CD36: variants seen among roughly 807,000 people sequenced by gnomAD.
The protein encoded by CD36 is CD36 molecule (CD36 blood group).
A neutral mutation model predicts 55.2 loss-of-function variants in CD36; 119 were observed. The observed-to-expected ratio is 2.15, with a 90% CI of 1.86 to 2.51. CD36 has a LOEUF of 2.51. CD36 is among the 30% of genes most tolerant of loss of function. The probability of loss-of-function intolerance (pLI) is 0.00; values close to 1 mark genes in which losing one functional copy is unlikely to be tolerated. For missense variants in CD36, 819 were observed against 555.5 expected (o/e 1.47, Z -4.77); for synonymous variants, 186 against 193.6 (o/e 0.96, Z 0.33).
At position 80,678,972 on chromosome 7, in the gene CD36, G is replaced by A. The variant is rs1371088856; in HGVS notation, c.*2589G>A. 6.6e-6 allele frequency: 1 copy of A among 152,166 alleles called. No homozygotes were observed. Among genetic ancestry groups the A allele is most frequent in the African/African-American group, 2.4e-5 (1 of 41,438 alleles). 9.4% of individuals were successfully genotyped at this position (152,166 alleles called of 1,614,324 possible). ...TGACATTTCAGTTTTTCTGTTTGAA[G>A]TCCAATGTATTAGTGACTCTGTGGC... is the stretch of plus-strand genomic sequence containing the variant. On this transcript the variant is annotated 3_prime_UTR_variant, in exon 15 of 15. Transcript: ENST00000447544.
At chr7:80,614,570 A>G (rs939896774) in intron 1 of CD36, among the ~76,000 whole-genome samples, 2 of 152,076 alleles carry the variant, frequency 1.3e-5, no homozygotes. Context: ...ATTTTTTTGC[A>G]GGGGTGCCCT....
intron 13 of CD36, 29 bp from the exon 14 acceptor site, chr7:80,673,954 A>G: frequency 6.3e-7 from 1 of 1,590,490 alleles, no homozygotes; most frequent in Non-Finnish European, 8.6e-7. Flanking sequence ...AACGTACCCA[A>G]ATAATGTTGA....
chr7:80,651,032 G>C (rs3211836), intron 3 of CD36, among the ~76,000 whole-genome samples: 1,767 of 151,854 alleles, frequency 0.012, 42 homozygotes, highest in African/African-American at 0.04. Context: ...ATTTACAAAA[G>C]ATAATTTATC....
chr7:80,621,242 T>C (rs989885062), intron 1 of CD36, among the ~76,000 whole-genome samples: 1 of 152,236 alleles, frequency 6.6e-6, no homozygotes, highest in Non-Finnish European at 1.5e-5. Context: ...AACATACTTT[T>C]CTATGCAGTG....
Position 80,677,830 on chromosome 7 carries a change from G to T in CD36, c.*1447G>T, listed in dbSNP as rs1021837236. The T allele has an allele frequency of 6.6e-6, 1 of 152,096 alleles. No individual in the cohort carries two copies. The highest frequency in any genetic ancestry group is 1.5e-5 in the Non-Finnish European group (1 of 68,022). 9.4% of individuals were successfully genotyped at this position (152,096 alleles called of 1,614,324 possible). On this transcript the variant is annotated 3_prime_UTR_variant, in exon 15 of 15. Coordinates refer to ENST00000447544, the MANE Select transcript of CD36 (RefSeq NM_001001548.3). ...TGACCTGTATATTATGACTAATCAT[G>T]ACTCAGATCTTAATACAGGGATGAT... is the stretch of plus-strand genomic sequence containing the variant.
intron 1 of CD36, among the ~76,000 whole-genome samples, chr7:80,641,741 C>A (rs1297882119): frequency 6.6e-6 from 1 of 151,982 alleles, no homozygotes; most frequent in Non-Finnish European, 1.5e-5. Context: ...GGGAACACAG[C>A]TTTATAAACA....
At chr7:80,662,756 A>C (rs1796653829) in intron 5 of CD36, among the ~76,000 whole-genome samples, 1 of 152,136 alleles carries the variant, frequency 6.6e-6, no homozygotes, top group African/African-American at 2.4e-5. Context: ...TGTATCGTTA[A>C]ATAAATAGAG....
At chr7:80,663,279 G>A (rs2116700085) in intron 6 of CD36, 110 bp downstream of exon 6, 1 of 918,360 alleles carries the variant, frequency 1.1e-6, no homozygotes, top group Non-Finnish European at 1.8e-6. Context: ...TTGCTGATCT[G>A]GAGACATATA....
At chr7:80,610,157 T>C (rs114640561) in intron 1 of CD36, among the ~76,000 whole-genome samples, 1,598 of 152,314 alleles carry the variant, frequency 0.01, 28 homozygotes, top group African/African-American at 0.036. Context: ...TTCTCAAAAA[T>C]TGGCATGAGA....
chr7:80,632,570 GTGTT>G (rs1442654241), intron 1 of CD36, among the ~76,000 whole-genome samples: 4 of 151,880 alleles, frequency 2.6e-5, no homozygotes, highest in African/African-American at 7.2e-5. Context: ...GTGGTTTAGT[GTGTT>G]TATTTATTAA....
intron 3 of CD36, among the ~76,000 whole-genome samples, chr7:80,649,855 A>C (rs1170949735): frequency 1.3e-5 from 2 of 151,874 alleles, no homozygotes; most frequent in Admixed American, 6.6e-5. Flanking sequence ...ATCTTATATG[A>C]AGAAACAAAC....
Position 80,667,429 on chromosome 7 carries a change from CAAAAAA to C in CD36, c.748+957_748+962del, listed in dbSNP as rs564416939. The stretch of plus-strand genomic sequence containing the variant: ...TGGGCAATAGTGTGAGACCCTGTCT[CAAAAAA>C]AAAAAAAAAAAAAAAAGTGGTGGGA... On this transcript the variant is annotated intron_variant, in intron 8 of 14. Transcript: ENST00000447544. Among the ~76,000 whole-genome samples, 180 of 82,420 alleles carry C rather than the reference CAAAAAA, an allele frequency of 2.2e-3. 1 individual carries two copies. Among genetic ancestry groups the C allele is most frequent in the Non-Finnish European group, 3.8e-3 (162 of 42,774 alleles). The allele number at this position is 82,420 out of a possible 152,430, so 54.1% of individuals were successfully genotyped here.
At chr7:80,607,934 C>G (rs2115727535) in intron 1 of CD36, among the ~76,000 whole-genome samples, 1 of 152,148 alleles carries the variant, frequency 6.6e-6, no homozygotes, top group East Asian at 1.9e-4. Context: ...CCTCGCCCAG[C>G]TAATTTTCTG....
intron 2 of CD36, chr7:80,646,390 A>C (rs1158475407): frequency 1.9e-5 from 6 of 320,344 alleles, no homozygotes; most frequent in Non-Finnish European, 3.1e-5. Flanking sequence ...AGATTTCAAT[A>C]TGTTAATCAT....
chr7:80,635,091 A>G (rs1314656323), upstream of CD36, among the ~76,000 whole-genome samples: 1 of 152,158 alleles, frequency 6.6e-6, no homozygotes, highest in African/African-American at 2.4e-5. Context: ...AGAAAATTAT[A>G]AAATTACTGG....
intron 12 of CD36, 186 bp from the exon 13 acceptor site, chr7:80,673,168 AT>A (rs1797883742): frequency 5.8e-6 from 3 of 519,468 alleles, no homozygotes; most frequent in Non-Finnish European, 1.0e-5. Flanking sequence ...GTGAAAAAAA[AT>A]CAATGTGATT....
chr7:80,605,823 G>C (rs946256573), intron 1 of CD36, among the ~76,000 whole-genome samples: 1 of 152,050 alleles, frequency 6.6e-6, no homozygotes, highest in Non-Finnish European at 1.5e-5. Flanking sequence ...AGAGCTGTTT[G>C]GGCAATAGGT....
chr7:80,671,032 A>G lies in CD36; in HGVS notation c.874A>G (p.Arg292Gly), dbSNP rs760212344. ...DVNLKGIPVY[R>G]FVLPSKAFAS... Reference sequence around the variant, plus strand: ...TAATCTGAAAGGAATCCCTGTGTATAGATTTGTTCTTCCATCCAAGGCCTT... The same window carrying G: ...TAATCTGAAAGGAATCCCTGTGTATGGATTTGTTCTTCCATCCAAGGCCTT... Residue 292 changes from arginine (R) to glycine (G), a missense_variant, in exon 10 of 15, where the codon AGA becomes GGA. By Grantham distance (125) the Arg-to-Gly change is moderately radical. Transcript: ENST00000447544. 12 of 1,613,146 alleles carry G rather than the reference A, an allele frequency of 7.4e-6. No individual in the cohort carries two copies. In the South Asian group the frequency reaches 1.1e-4, roughly 15 times the overall value.
chr7:80,642,594 T>C (rs1794895116), intron 1 of CD36, among the ~76,000 whole-genome samples: 1 of 151,984 alleles, frequency 6.6e-6, no homozygotes. Flanking sequence ...AGCTTAAGGA[T>C]AGAGTATGAT....
Sources: gnomAD v4.1 joint callset for allele counts (sites outside exome capture counted in the v4.1 genomes callset) on GRCh38, gnomAD v4.1.1 for gene constraint, MANE v1.5 for transcripts, NCBI Gene and HGNC (gene_info 2026-07-23, HGNC 2026-07-21) for gene names.